The following CAV3 variants were observed in gnomAD, a reference collection of about 807,000 sequenced individuals.
CAV3 encodes caveolin 3, also known as caveolin-3.
Under a neutral mutation model 13.4 loss-of-function variants are expected in CAV3, and 10 were observed. The observed-to-expected ratio is 0.75, with a 90% CI of 0.46 to 1.27. The LOEUF is 1.27. Ranked by LOEUF, CAV3 falls within the 50% of genes most tolerant of loss-of-function variation. The probability of loss-of-function intolerance (pLI) is 0.00; values close to 1 mark genes in which losing one functional copy is unlikely to be tolerated. For synonymous variants in CAV3, 90 were observed against 79.0 expected (o/e 1.14, Z -0.74); for missense variants, 162 against 194.0 (o/e 0.83, Z 0.98).
rs1049884669 is a variant in CAV3, at chr3:8,741,722, G to A, written c.115-3804G>A. Reference sequence around the variant, plus strand: ...ATTGTCCAAGGTCCTGGATGCCTACGGACTGAGTCATGCAGGACTCTGGGG... The same window carrying A: ...ATTGTCCAAGGTCCTGGATGCCTACAGACTGAGTCATGCAGGACTCTGGGG... On this transcript the variant is annotated intron_variant, in intron 1 of 1. Transcript: ENST00000343849. Among the ~76,000 whole-genome samples, 5 of 151,990 alleles carry A rather than the reference G, an allele frequency of 3.3e-5. No individual in the cohort carries two copies. The South Asian group carries it at 1.0e-3, about 32-fold the overall frequency.
At chr3:8,738,459 G>A (rs368808212) in intron 1 of CAV3, among the ~76,000 whole-genome samples, 9 of 152,192 alleles carry the variant, frequency 5.9e-5, no homozygotes, top group Non-Finnish European at 1.0e-4. Context: ...CTCCCTTGGC[G>A]GGGAATCCAT....
chr3:8,745,517 C>T lies in CAV3; in HGVS notation c.115-9C>T, dbSNP rs1367760550. On this transcript the variant is annotated splice_polypyrimidine_tract_variant and intron_variant, in intron 1 of 1. Coordinates refer to ENST00000343849, the MANE Select transcript of CAV3 (RefSeq NM_033337.3). The surrounding 1 kb of genome is among the most constrained non-coding windows in gnomAD (Gnocchi z 4.8). ...TGTGAGTTGAGGCTTCCCCTTGCCA[C>T]CCCTGCAGGTGGATTTTGAAGACGT... is the stretch of plus-strand genomic sequence containing the variant. 9 of 1,611,914 alleles carry T rather than the reference C, an allele frequency of 5.6e-6. No individual in the cohort carries two copies. Among genetic ancestry groups the T allele is most frequent in the South Asian group, 1.1e-5 (1 of 90,948 alleles).
At chr3:8,734,055 C>A in intron 1 of CAV3, 65 bp downstream of exon 1, 1 of 863,716 alleles carries the variant, frequency 1.2e-6, no homozygotes, top group Non-Finnish European at 2.0e-6. Context: ...GGGCGCTTGG[C>A]AGGGGAGGGT....
At chr3:8,734,046 GGC>G in intron 1 of CAV3, 56 bp downstream of exon 1, 1 of 980,168 alleles carries the variant, frequency 1.0e-6, no homozygotes. Flanking sequence ...GCGAGACGTG[GGC>G]GCTTGGCAGG....
At chr3:8,735,086 CTGT>C (rs1233950851) in intron 1 of CAV3, among the ~76,000 whole-genome samples, 2 of 152,170 alleles carry the variant, frequency 1.3e-5, no homozygotes, top group African/African-American at 2.4e-5. Context: ...ACTGGAGGGG[CTGT>C]TAAGAGGCCA....
rs957439463 is a variant in CAV3, at chr3:8,745,277, A to G, written c.115-249A>G. 7.2e-5 allele frequency among the ~76,000 whole-genome samples: 11 copies of G among 152,288 alleles called. No individual in the cohort carries two copies. The highest frequency in any genetic ancestry group is 2.4e-4 in the African/African-American group (10 of 41,562). On this transcript the variant is annotated intron_variant, in intron 1 of 1. Coordinates refer to ENST00000343849, the MANE Select transcript of CAV3 (RefSeq NM_033337.3). This position sits in a 1 kb window ranked among gnomAD's most constrained non-coding sequence, Gnocchi z 4.8. ...CTCCCTGCGGCCTCACCTGAAGCCA[A>G]GCAGATGCCAGCACCATGATTCCTG... is the stretch of plus-strand genomic sequence containing the variant.
rs80340058 is a variant in CAV3, at chr3:8,745,481, C to T, written c.115-45C>T. The T allele has an allele frequency of 5.2e-3, 6,003 of 1,147,046 alleles. 199 individuals carry two copies. In the African/African-American group the frequency reaches 0.075, roughly 14 times the overall value. 71.1% of individuals were successfully genotyped at this position (1,147,046 alleles called of 1,614,324 possible). A position where few individuals can be genotyped will look rare whatever the true frequency, so the allele number is the denominator to read the frequency against. ...CGCACACACCCAAAAGCTTGAGAAGCGGGTGGCTTCTGTGAGTTGAGGCTT... is the reference window on the plus strand; with the variant it reads ...CGCACACACCCAAAAGCTTGAGAAGTGGGTGGCTTCTGTGAGTTGAGGCTT... On this transcript the variant is annotated intron_variant, in intron 1 of 1. Coordinates refer to ENST00000343849, the MANE Select transcript of CAV3 (RefSeq NM_033337.3). This position sits in a 1 kb window ranked among gnomAD's most constrained non-coding sequence, Gnocchi z 4.8.
chr3:8,743,777 A>T (rs768870888), intron 1 of CAV3, among the ~76,000 whole-genome samples: 1 of 152,214 alleles, frequency 6.6e-6, no homozygotes, highest in Admixed American at 6.5e-5. Context: ...TCTGAGCAAC[A>T]TGGTTCTAGT....
rs1708111424 is a variant in CAV3 at position 8,745,161 on chromosome 3, G to C, written c.115-365G>C. On this transcript the variant is annotated intron_variant, in intron 1 of 1. Transcript: ENST00000343849. The surrounding 1 kb of genome is among the most constrained non-coding windows in gnomAD (Gnocchi z 4.8). ...TCATAAGATCTGGTTGTTGTAAAGTGTGGCACTCCACCCCCTGCCCAGCTC... is the reference window on the plus strand; with the variant it reads ...TCATAAGATCTGGTTGTTGTAAAGTCTGGCACTCCACCCCCTGCCCAGCTC... The C allele has an allele frequency of 3.6e-6, 1 of 274,232 alleles. No individual in the cohort carries two copies. The highest frequency in any genetic ancestry group is 7.2e-6 in the Non-Finnish European group (1 of 139,812). The allele number at this position is 274,232 out of a possible 1,614,324, so 17.0% of individuals were successfully genotyped here.
chr3:8,744,896 G>A (rs1399616331), intron 1 of CAV3: 2 of 153,398 alleles, frequency 1.3e-5, no homozygotes. Context: ...CGGTGCCTAG[G>A]AACAGCAGCA....
chr3:8,740,129 C>A (rs944080117), intron 1 of CAV3, among the ~76,000 whole-genome samples: 4 of 152,142 alleles, frequency 2.6e-5, no homozygotes, highest in African/African-American at 9.7e-5. Flanking sequence ...TGCTAGTCTC[C>A]AGAGCAGAGT....
intron 1 of CAV3, among the ~76,000 whole-genome samples, chr3:8,736,668 G>A (rs906029569): frequency 6.6e-6 from 1 of 152,242 alleles, no homozygotes; most frequent in Non-Finnish European, 1.5e-5. Flanking sequence ...GGGAGCGGCG[G>A]GGGCGGCGGC....
Position 8,746,731 on chromosome 3 carries a change from A to G in CAV3, c.*864A>G, listed in dbSNP as rs760439034. ...GTCTAATTTGTGCGTGTGTGGACTC[A>G]CTATGGAAATAAAATGCAGTAGAAA... On this transcript the variant is annotated 3_prime_UTR_variant, in exon 2 of 2. Transcript: ENST00000343849. 3.9e-5 allele frequency: 6 copies of G among 152,004 alleles called. No homozygotes were observed. The highest frequency in any genetic ancestry group is 8.8e-5 in the Non-Finnish European group (6 of 68,066). 9.4% of individuals were successfully genotyped at this position (152,004 alleles called of 1,614,324 possible).
Position 8,737,553 on chromosome 3 carries a change from G to T in CAV3, c.114+3563G>T, listed in dbSNP as rs1054267749. 4.9e-4 allele frequency among the ~76,000 whole-genome samples: 74 copies of T among 152,134 alleles called. 1 individual carries two copies. The highest frequency in any genetic ancestry group is 4.3e-3 in the Admixed American group (66 of 15,278). ...GTATACTCCAACAGACTTCAGCTGT[G>T]GTCTCCAAGGCTCGGGACTGGGCCC... On this transcript the variant is annotated intron_variant, in intron 1 of 1. Coordinates refer to ENST00000343849, the MANE Select transcript of CAV3 (RefSeq NM_033337.3).
intron 1 of CAV3, among the ~76,000 whole-genome samples, chr3:8,740,192 C>T (rs1043548912): frequency 6.6e-6 from 1 of 152,140 alleles, no homozygotes; most frequent in Non-Finnish European, 1.5e-5. Context: ...GCAGAAGGTG[C>T]TAGGCTTTCT....
Position 8,745,211 on chromosome 3 carries a change from G to C in CAV3, c.115-315G>C, listed in dbSNP as rs6788694. Reference sequence around the variant, plus strand: ...CTCTCTCTTGCTCCCACTCTCACCAGGGGAGACGCCTGCTCTCCCTTCTCT... The same window carrying C: ...CTCTCTCTTGCTCCCACTCTCACCACGGGAGACGCCTGCTCTCCCTTCTCT... On this transcript the variant is annotated intron_variant, in intron 1 of 1. Transcript: ENST00000343849. The surrounding 1 kb of genome is among the most constrained non-coding windows in gnomAD (Gnocchi z 4.8). Among the ~76,000 whole-genome samples the C allele has an allele frequency of 0.096, 14,542 of 151,942 alleles. 795 individuals are homozygous for C. The highest frequency in any genetic ancestry group is 0.14 in the African/African-American group (5,813 of 41,410).
intron 1 of CAV3, among the ~76,000 whole-genome samples, chr3:8,737,254 G>A (rs140225362): frequency 1.3e-5 from 2 of 152,254 alleles, no homozygotes; most frequent in Non-Finnish European, 2.9e-5. Flanking sequence ...TGAGTGACAC[G>A]GAAAGAATGC....
intron 1 of CAV3, among the ~76,000 whole-genome samples, chr3:8,742,805 A>G (rs1364107547): frequency 1.3e-5 from 2 of 152,204 alleles, no homozygotes; most frequent in Non-Finnish European, 2.9e-5. Flanking sequence ...ATAGGTGGAT[A>G]GATGGATAGA....
chr3:8,741,291 T>G (rs1707950778), intron 1 of CAV3, among the ~76,000 whole-genome samples: 1 of 152,234 alleles, frequency 6.6e-6, no homozygotes, highest in African/African-American at 2.4e-5. Flanking sequence ...CACCAATGTT[T>G]ATTGTTAGAT....
Sources: allele counts gnomAD v4.1 joint callset (sites outside exome capture counted in the v4.1 genomes callset), GRCh38; gene constraint gnomAD v4.1.1; non-coding constraint Gnocchi (gnomAD v3.1); transcripts MANE v1.5; gene names NCBI Gene and HGNC (gene_info 2026-07-23, HGNC 2026-07-21).